The following TMPRSS3 variants were observed in gnomAD, a reference collection of about 807,000 sequenced individuals.
TMPRSS3 encodes the protein transmembrane protease serine 3.
Under a neutral mutation model 59.6 loss-of-function variants are expected in TMPRSS3, and 55 were observed. The observed-to-expected ratio is 0.92, with a 90% CI of 0.74 to 1.16. The LOEUF is 1.16. TMPRSS3 is among the 50% of genes most tolerant of loss of function. The pLI is 0.00. For synonymous variants in TMPRSS3, 257 were observed against 237.7 expected, an observed-to-expected ratio of 1.08 and a Z score of -0.75; for missense variants, 596 against 579.4, an observed-to-expected ratio of 1.03 and a Z score of -0.29.
At chr21:42,381,128 T>A (rs1047409455) in intron 9 of TMPRSS3, among the ~76,000 whole-genome samples, 1 of 147,556 alleles carries the variant, frequency 6.8e-6, no homozygotes, top group African/African-American at 2.7e-5. Context: ...CTATTTATTA[T>A]GCTTTCCCTG....
chr21:42,375,677 G>A (rs1436936994), intron 12 of TMPRSS3, 39 bp downstream of exon 12: 1 of 1,613,274 alleles, frequency 6.2e-7, no homozygotes, highest in Non-Finnish European at 8.5e-7. Context: ...AGGGTCAAAA[G>A]CCAGGGACAA....
Position 42,372,111 on chromosome 21 carries a change from T to A in TMPRSS3, c.*651A>T, listed in dbSNP as rs1419547697. On this transcript the variant is annotated 3_prime_UTR_variant, in exon 13 of 13. Transcript: ENST00000644384. The stretch of plus-strand genomic sequence containing the variant: ...TTCTGCACTTCTGGGCTGGTGCGTC[T>A]TTTCTGAGTGGCTGTTGGTGGCTTT... 1 of 454,198 alleles carries A rather than the reference T, an allele frequency of 2.2e-6. No homozygotes were observed. Among genetic ancestry groups the A allele is most frequent in the Non-Finnish European group, 4.4e-6 (1 of 226,794 alleles). 28.1% of individuals were successfully genotyped at this position (454,198 alleles called of 1,614,324 possible).
At chr21:42,381,900 A>G (rs2052535750) in intron 9 of TMPRSS3, 165 bp downstream of exon 9, 1 of 900,278 alleles carries the variant, frequency 1.1e-6, no homozygotes, top group Admixed American at 2.0e-5. Context: ...TTTTAATGAG[A>G]AAAGATAATC....
chr21:42,375,114 C>T (rs1601513734), intron 12 of TMPRSS3, among the ~76,000 whole-genome samples: 2 of 152,214 alleles, frequency 1.3e-5, no homozygotes, highest in East Asian at 3.9e-4. Flanking sequence ...CCTCCTTCTT[C>T]CTCCTCCACC....
chr21:42,383,637 C>G (rs1364032845), intron 7 of TMPRSS3: 2 of 554,918 alleles, frequency 3.6e-6, no homozygotes, highest in Non-Finnish European at 6.8e-6. Context: ...GGGCACTGCC[C>G]GAGGCCTGGA....
chr21:42,374,427 ATCAGTGAGAGCAAAACGGGAATTAACGCC>A (rs1199237520), intron 12 of TMPRSS3, among the ~76,000 whole-genome samples: 1 of 152,256 alleles, frequency 6.6e-6, no homozygotes, highest in Non-Finnish European at 1.5e-5. Context: ...AAAGCACAAA[ATCAGTGAGAGCAAAACGGGAATTAACGCC>A]TGAGGCACAT....
At chr21:42,380,919 G>C (rs2052517160) in intron 9 of TMPRSS3, among the ~76,000 whole-genome samples, 1 of 152,238 alleles carries the variant, frequency 6.6e-6, no homozygotes, top group Non-Finnish European at 1.5e-5. Flanking sequence ...AAGTACAAGT[G>C]CTGGCACCTC....
At chr21:42,386,330 A>G (rs2052632646) in intron 5 of TMPRSS3, among the ~76,000 whole-genome samples, 1 of 152,232 alleles carries the variant, frequency 6.6e-6, no homozygotes, top group Non-Finnish European at 1.5e-5. Flanking sequence ...TGTAGAATAC[A>G]AAGTTCAGTC....
At chr21:42,377,276 C>A (rs1375818821) in intron 10 of TMPRSS3, among the ~76,000 whole-genome samples, 2 of 152,138 alleles carry the variant, frequency 1.3e-5, no homozygotes, top group African/African-American at 4.8e-5. Flanking sequence ...TTTGGAGGAG[C>A]CGGAGGAGAA....
Position 42,375,914 on chromosome 21 carries a change from T to C in TMPRSS3, c.1192-46A>G, listed in dbSNP as rs747329615. The C allele has an allele frequency of 1.9e-6, 3 of 1,609,388 alleles. No homozygotes were observed. In the Admixed American group the frequency reaches 5.0e-5, roughly 27 times the overall value. On this transcript the variant is annotated intron_variant, in intron 11 of 12. Transcript: ENST00000644384. Reference sequence around the variant, plus strand: ...AAAGATTGGGGGACAGTCACCGCCATGCGAGATTGCTTTCTGTGGACAGTC... The same window carrying C: ...AAAGATTGGGGGACAGTCACCGCCACGCGAGATTGCTTTCTGTGGACAGTC...
intron 2 of TMPRSS3, among the ~76,000 whole-genome samples, chr21:42,393,455 G>A (rs1428730671): frequency 1.3e-5 from 2 of 152,118 alleles, no homozygotes. Context: ...TTTTGACCTA[G>A]CAGTTCCACT....
At chr21:42,394,746 G>A (rs1568893637) in intron 2 of TMPRSS3, among the ~76,000 whole-genome samples, 2 of 152,116 alleles carry the variant, frequency 1.3e-5, no homozygotes. Flanking sequence ...TCCAGAACCG[G>A]CAACCCCACA....
rs1029780370 is a variant in TMPRSS3 at position 42,372,299 on chromosome 21, C to A, written c.*463G>T. On this transcript the variant is annotated 3_prime_UTR_variant, in exon 13 of 13. Coordinates refer to ENST00000644384, the MANE Select transcript of TMPRSS3 (RefSeq NM_001256317.3). ...GTGAGGCTAGGCGTGGTGGCCCATG[C>A]CTGTAATCCCAGCACTGTGGGAGGC... The A allele has an allele frequency of 2.0e-5, 9 of 454,620 alleles. No individual in the cohort carries two copies. The highest frequency in any genetic ancestry group is 1.4e-4 in the South Asian group (9 of 64,450). 28.2% of individuals were successfully genotyped at this position (454,620 alleles called of 1,614,324 possible).
chr21:42,387,305 A>G (rs1401616611), intron 5 of TMPRSS3, among the ~76,000 whole-genome samples: 3 of 151,746 alleles, frequency 2.0e-5, no homozygotes, highest in Non-Finnish European at 4.4e-5. Flanking sequence ...CCCCCACCCA[A>G]TGAGTCAGAG....
At chr21:42,386,134 G>A (rs2052630518) in intron 5 of TMPRSS3, among the ~76,000 whole-genome samples, 1 of 152,164 alleles carries the variant, frequency 6.6e-6, no homozygotes, top group African/African-American at 2.4e-5. Context: ...TGAAAGTGAT[G>A]CAACTTTTTA....
In TMPRSS3 at chr21:42,388,561, G is replaced by A. The variant is rs1251278677; in HGVS notation, c.323-35C>T. 2 of 1,613,932 alleles carry A rather than the reference G, an allele frequency of 1.2e-6. No individual in the cohort carries two copies. Among genetic ancestry groups the A allele is most frequent in the African/African-American group, 1.3e-5 (1 of 74,898 alleles). ...GTGCAGAAAGAAAGGCTTATTAGTG[G>A]CCAGTGGAACCCTGAGACCATAGGC... On this transcript the variant is annotated intron_variant, in intron 4 of 12. Coordinates refer to ENST00000644384, the MANE Select transcript of TMPRSS3 (RefSeq NM_001256317.3). The surrounding 1 kb of genome is among the most constrained non-coding windows in gnomAD (Gnocchi z 5.1).
chr21:42,391,993 C>A (rs983220702), intron 2 of TMPRSS3, among the ~76,000 whole-genome samples: 14 of 152,282 alleles, frequency 9.2e-5, no homozygotes, highest in African/African-American at 2.9e-4. Context: ...ACCTAAATTA[C>A]CTCATCAATC....
At position 42,388,780 on chromosome 21, in the gene TMPRSS3, A is replaced by G. The variant is rs536872586; in HGVS notation, c.322+149T>C. On this transcript the variant is annotated intron_variant, in intron 4 of 12. Transcript: ENST00000644384. This position sits in a 1 kb window ranked among gnomAD's most constrained non-coding sequence, Gnocchi z 5.1. ...AGGCCCTCCCTGACCCCCCAGCCCA[A>G]CATGTCTTTGGGCAAACGCCAGTTC... The G allele has an allele frequency of 6.6e-6, 6 of 915,648 alleles. No individual in the cohort carries two copies. In the East Asian group the frequency reaches 1.5e-4, roughly 23 times the overall value. 56.7% of individuals were successfully genotyped at this position (915,648 alleles called of 1,614,324 possible).
chr21:42,386,095 C>T (rs1280461122), intron 5 of TMPRSS3, among the ~76,000 whole-genome samples: 1 of 152,136 alleles, frequency 6.6e-6, no homozygotes, highest in East Asian at 1.9e-4. Context: ...TTTACAGTGC[C>T]AGGACACAGG....
Sources: allele counts gnomAD v4.1 joint callset (sites outside exome capture counted in the v4.1 genomes callset), GRCh38; gene constraint gnomAD v4.1.1; non-coding constraint Gnocchi (gnomAD v3.1); transcripts MANE v1.5; gene names NCBI Gene and HGNC (gene_info 2026-07-23, HGNC 2026-07-21).